Variants in SLC35F1 observed in about 807,000 individuals in gnomAD.
The protein encoded by SLC35F1 is solute carrier family 35 member F1.
SLC35F1 carries 14 observed loss-of-function variants against 48.7 expected under a neutral mutation model. The ratio of observed to expected loss-of-function variants is 0.29; its 90% confidence interval spans 0.19 to 0.45. SLC35F1 has a LOEUF of 0.45. Among genes scored for constraint, SLC35F1 ranks in the 20% least tolerant of loss-of-function variants. The pLI, the probability that SLC35F1 is intolerant of heterozygous loss-of-function variation, is 1.00. For missense variants in SLC35F1, 404 were observed against 500.0 expected, an observed-to-expected ratio of 0.81 and a Z score of 1.83; for synonymous variants, 190 against 202.2, an observed-to-expected ratio of 0.94 and a Z score of 0.51.
chr6:118,035,216 T>C (rs796500889), intron 1 of SLC35F1, among the ~76,000 whole-genome samples: 58 of 152,338 alleles, frequency 3.8e-4, no homozygotes, highest in African/African-American at 1.4e-3. Flanking sequence ...AAAATCTGTG[T>C]GGATACACCT....
chr6:118,066,599 A>T (rs1393890871), intron 1 of SLC35F1, among the ~76,000 whole-genome samples: 1 of 152,194 alleles, frequency 6.6e-6, no homozygotes, highest in Non-Finnish European at 1.5e-5. Flanking sequence ...TCTTGATCCA[A>T]GGAAACTGTG....
intron 2 of SLC35F1, among the ~76,000 whole-genome samples, chr6:118,169,350 A>G (rs1404379678): frequency 6.6e-6 from 1 of 152,174 alleles, no homozygotes; most frequent in African/African-American, 2.4e-5. Context: ...CAACCCCACC[A>G]CAAATATCTC....
intron 2 of SLC35F1, among the ~76,000 whole-genome samples, chr6:118,178,753 G>T (rs1368713282): frequency 6.6e-6 from 1 of 152,056 alleles, no homozygotes. Context: ...GGATATTTCA[G>T]TCCCTCTGAG....
chr6:117,973,045 G>A (rs902714750), intron 1 of SLC35F1, among the ~76,000 whole-genome samples: 3 of 152,144 alleles, frequency 2.0e-5, no homozygotes, highest in Non-Finnish European at 4.4e-5. Context: ...CAGACTAGGA[G>A]GCTTAAACAA....
At chr6:118,208,034 A>G (rs1309034681) in intron 2 of SLC35F1, among the ~76,000 whole-genome samples, 1 of 152,194 alleles carries the variant, frequency 6.6e-6, no homozygotes, top group Non-Finnish European at 1.5e-5. Flanking sequence ...GAAAATGGAA[A>G]CATCAAGGGA....
chr6:118,263,821 T>G (rs1468360623), intron 3 of SLC35F1, among the ~76,000 whole-genome samples: 1 of 152,204 alleles, frequency 6.6e-6, no homozygotes, highest in Non-Finnish European at 1.5e-5. Context: ...TTTTATGTTA[T>G]GTGACCACGA....
chr6:118,315,959 C>T lies in SLC35F1; in HGVS notation c.*1707C>T, dbSNP rs1776432179. 6.6e-6 allele frequency: 1 copy of T among 152,166 alleles called. No individual in the cohort carries two copies. The highest frequency in any genetic ancestry group is 6.5e-5 in the Admixed American group (1 of 15,280). The allele number at this position is 152,166 out of a possible 1,614,324, so 9.4% of individuals were successfully genotyped here. ...CTTCAATACCATTCAAAAAGATCCT[C>T]AATGGAGTTACAGGGTTTATAGGGG... On this transcript the variant is annotated 3_prime_UTR_variant, in exon 8 of 8. Transcript: ENST00000360388.
chr6:117,994,451 C>T (rs934520409), intron 1 of SLC35F1, among the ~76,000 whole-genome samples: 1 of 152,176 alleles, frequency 6.6e-6, no homozygotes, highest in Non-Finnish European at 1.5e-5. Flanking sequence ...AGGATATGGA[C>T]AGCTTTGGGA....
intron 1 of SLC35F1, among the ~76,000 whole-genome samples, chr6:118,007,492 A>T (rs541721427): frequency 1.3e-5 from 2 of 152,274 alleles, no homozygotes; most frequent in African/African-American, 4.8e-5. Flanking sequence ...TGCACTCTTT[A>T]TTATGTGATG....
chr6:117,923,737 A>ATGTACATATGTACATATATGTACATG (rs1311856210), intron 1 of SLC35F1, among the ~76,000 whole-genome samples: 1 of 93,176 alleles, frequency 1.1e-5, no homozygotes, highest in African/African-American at 5.8e-5. Context: ...ATATGTATAT[A>ATGTACATATGTACATATATGTACATG]TACATATATG....
At chr6:118,012,340 A>G (rs1281160640) in intron 1 of SLC35F1, among the ~76,000 whole-genome samples, 1 of 151,154 alleles carries the variant, frequency 6.6e-6, no homozygotes, top group Non-Finnish European at 1.5e-5. Context: ...AAAAAAAAAA[A>G]GAAAAACTAA....
chr6:118,128,956 T>A (rs1480150823), intron 1 of SLC35F1, among the ~76,000 whole-genome samples: 1 of 152,158 alleles, frequency 6.6e-6, no homozygotes, highest in Non-Finnish European at 1.5e-5. Flanking sequence ...GACTAAGCAA[T>A]ATCTACTCAA....
chr6:117,964,172 G>A (rs1223237304), intron 1 of SLC35F1, among the ~76,000 whole-genome samples: 3 of 152,196 alleles, frequency 2.0e-5, no homozygotes, highest in Admixed American at 1.3e-4. Flanking sequence ...TTTTATGGCT[G>A]CATAGTATTC....
intron 1 of SLC35F1, among the ~76,000 whole-genome samples, chr6:117,995,858 A>G (rs909602928): frequency 2.0e-5 from 3 of 152,244 alleles, no homozygotes; most frequent in East Asian, 1.9e-4. Flanking sequence ...GATGGATTAT[A>G]TGGTATCGTA....
chr6:118,166,905 T>C (rs545660576), intron 2 of SLC35F1, among the ~76,000 whole-genome samples: 3 of 152,318 alleles, frequency 2.0e-5, no homozygotes, highest in East Asian at 3.9e-4. Context: ...TGAAGAGTTT[T>C]ATACTTTTAG....
At chr6:118,303,110 A>G (rs1248594774) in intron 7 of SLC35F1, among the ~76,000 whole-genome samples, 3 of 152,176 alleles carry the variant, frequency 2.0e-5, no homozygotes, top group Non-Finnish European at 4.4e-5. Flanking sequence ...CACCAGGTAC[A>G]TGAAAGAGAA....
intron 2 of SLC35F1, among the ~76,000 whole-genome samples, chr6:118,169,585 C>A (rs1363401597): frequency 1.3e-5 from 2 of 152,128 alleles, no homozygotes; most frequent in African/African-American, 2.4e-5. Flanking sequence ...CCTATCACTG[C>A]CCCCAGCCAA....
chr6:117,991,826 A>G (rs1776922741), intron 1 of SLC35F1, among the ~76,000 whole-genome samples: 1 of 152,142 alleles, frequency 6.6e-6, no homozygotes, highest in South Asian at 2.1e-4. Context: ...TTTTTTGGTT[A>G]GTACTGGGAT....
intron 1 of SLC35F1, among the ~76,000 whole-genome samples, chr6:117,985,802 G>C (rs1047591195): frequency 1.3e-5 from 2 of 152,304 alleles, no homozygotes; most frequent in East Asian, 3.9e-4. Context: ...ATAGAAAAAA[G>C]TAAATATGCA....
Sources: allele counts gnomAD v4.1 joint callset (sites outside exome capture counted in the v4.1 genomes callset), GRCh38; gene constraint gnomAD v4.1.1; transcripts MANE v1.5; gene names NCBI Gene and HGNC (gene_info 2026-07-23, HGNC 2026-07-21).